Variants in PBX3 observed in about 807,000 individuals in gnomAD.
PBX3 encodes the protein pre-B-cell leukemia transcription factor 3.
PBX3 carries 14 observed loss-of-function variants against 48.5 expected under a neutral mutation model. The observed-to-expected ratio is 0.29, with a 90% CI of 0.19 to 0.45. PBX3 has a LOEUF of 0.45. Ranked by LOEUF, PBX3 falls within the 20% of genes least tolerant of loss-of-function variation. The pLI is 1.00. For missense variants in PBX3, 386 were observed against 546.7 expected (o/e 0.71, Z 2.93); for synonymous variants, 210 against 200.3 (o/e 1.05, Z -0.41).
chr9:125,781,402 C>T lies in PBX3; in HGVS notation c.274+32779C>T, dbSNP rs566249917. On this transcript the variant is annotated intron_variant, in intron 2 of 8. Transcript: ENST00000373489. ...AGGCGTGGTGGCGCGCGCCTGCAAT[C>T]GCAGGCACTCGGCCGGCTGAGGCAG... is the stretch of plus-strand genomic sequence containing the variant. Among the ~76,000 whole-genome samples, 578 of 151,662 alleles carry T rather than the reference C, an allele frequency of 3.8e-3. 2 individuals are homozygous for T. Among genetic ancestry groups the T allele is most frequent in the African/African-American group, 0.011 (455 of 41,342 alleles).
chr9:125,944,453 G>T (rs562903994), intron 5 of PBX3, among the ~76,000 whole-genome samples: 90 of 152,266 alleles, frequency 5.9e-4, no homozygotes, highest in South Asian at 4.6e-3. Context: ...AGTAAGATAG[G>T]GTTCTTCTCC....
intron 2 of PBX3, among the ~76,000 whole-genome samples, chr9:125,789,767 TA>T (rs1837549847): frequency 6.6e-6 from 1 of 152,172 alleles, no homozygotes; most frequent in Non-Finnish European, 1.5e-5. Flanking sequence ...TGAAAGGGTA[TA>T]CATCATCCAT....
chr9:125,747,976 C>T (rs1836246182), intron 1 of PBX3, among the ~76,000 whole-genome samples: 1 of 151,758 alleles, frequency 6.6e-6, no homozygotes, highest in Non-Finnish European at 1.5e-5. Context: ...GCGGGCCGCG[C>T]CGCCGGGAAG....
At chr9:125,832,213 TG>T (rs1838981398) in intron 2 of PBX3, among the ~76,000 whole-genome samples, 1 of 151,910 alleles carries the variant, frequency 6.6e-6, no homozygotes, top group Non-Finnish European at 1.5e-5. Context: ...TTTTTTTTTT[TG>T]AGACGGAGTC....
rs897346539 is a variant in PBX3, at chr9:125,871,279, C to T, written c.275-44407C>T. On this transcript the variant is annotated intron_variant, in intron 2 of 8. Coordinates refer to ENST00000373489, the MANE Select transcript of PBX3 (RefSeq NM_006195.6). The stretch of plus-strand genomic sequence containing the variant: ...AGGTGTGGTGGTGGGTGCTTGTAGT[C>T]CCAGCTATAGGCTGAGGCAGAAGAA... Among the ~76,000 whole-genome samples the T allele has an allele frequency of 5.9e-5, 9 of 151,926 alleles. No homozygotes were observed. The South Asian group carries it at 1.9e-3, about 32-fold the overall frequency.
At chr9:125,916,369 A>G (rs1295401877) in intron 3 of PBX3, among the ~76,000 whole-genome samples, 1 of 152,178 alleles carries the variant, frequency 6.6e-6, no homozygotes, top group Non-Finnish European at 1.5e-5. Flanking sequence ...ATTAATTCTT[A>G]TGGATTGTGC....
intron 2 of PBX3, among the ~76,000 whole-genome samples, chr9:125,905,961 T>C (rs1215634971): frequency 6.6e-6 from 1 of 152,002 alleles, no homozygotes; most frequent in Non-Finnish European, 1.5e-5. Context: ...GAGTGATGGA[T>C]ATACTACCAT....
intron 2 of PBX3, among the ~76,000 whole-genome samples, chr9:125,889,656 A>G (rs1840587176): frequency 6.6e-6 from 1 of 151,886 alleles, no homozygotes; most frequent in Non-Finnish European, 1.5e-5. Flanking sequence ...AGTAAACCCA[A>G]AGAGCCCGCA....
intron 2 of PBX3, among the ~76,000 whole-genome samples, chr9:125,752,732 A>T (rs1012233540): frequency 1.3e-5 from 2 of 152,108 alleles, no homozygotes; most frequent in Non-Finnish European, 2.9e-5. Flanking sequence ...GTAAAAATCA[A>T]TTTTTTCAAG....
intron 2 of PBX3, among the ~76,000 whole-genome samples, chr9:125,862,228 A>G (rs536320307): frequency 6.6e-6 from 1 of 152,236 alleles, no homozygotes; most frequent in East Asian, 1.9e-4. Context: ...GTTTCAGTCA[A>G]CAAACCATTT....
chr9:125,951,518 C>A (rs539750307), intron 5 of PBX3, among the ~76,000 whole-genome samples: 1 of 152,186 alleles, frequency 6.6e-6, no homozygotes, highest in Non-Finnish European at 1.5e-5. Context: ...AGGAAGCAAG[C>A]ATGGTGTGTA....
intron 2 of PBX3, among the ~76,000 whole-genome samples, chr9:125,910,910 T>C (rs1841189126): frequency 6.6e-6 from 1 of 152,080 alleles, no homozygotes; most frequent in Non-Finnish European, 1.5e-5. Context: ...GGTGCAAATA[T>C]TCCAGATCTT....
At chr9:125,871,281 C>A (rs1485757222) in intron 2 of PBX3, among the ~76,000 whole-genome samples, 1 of 151,046 alleles carries the variant, frequency 6.6e-6, no homozygotes, top group Non-Finnish European at 1.5e-5. Flanking sequence ...CTTGTAGTCC[C>A]AGCTATAGGC....
chr9:125,835,898 C>T (rs577296309), intron 2 of PBX3, among the ~76,000 whole-genome samples: 2 of 152,268 alleles, frequency 1.3e-5, no homozygotes, highest in African/African-American at 4.8e-5. Context: ...TCTGCACTCC[C>T]TTGTTTATTG....
intron 2 of PBX3, among the ~76,000 whole-genome samples, chr9:125,781,527 T>G (rs7849176): frequency 1.1e-5 from 1 of 94,272 alleles, no homozygotes; most frequent in Admixed American, 1.4e-4. Context: ...AGGGAGAGGG[T>G]GACCGAGAGG....
intron 3 of PBX3, among the ~76,000 whole-genome samples, chr9:125,919,347 C>T: frequency 6.8e-6 from 1 of 147,956 alleles, no homozygotes; most frequent in Non-Finnish European, 1.5e-5. Context: ...CGTCTGCCAT[C>T]ATGCCCGTCT....
intron 2 of PBX3, among the ~76,000 whole-genome samples, chr9:125,754,413 T>C (rs1416710904): frequency 6.6e-6 from 1 of 152,112 alleles, no homozygotes; most frequent in African/African-American, 2.4e-5. Context: ...TATATCACTA[T>C]GTAGTATAAA....
intron 2 of PBX3, among the ~76,000 whole-genome samples, chr9:125,769,209 T>C (rs1201065072): frequency 6.6e-6 from 1 of 152,242 alleles, no homozygotes. Context: ...ACATTGTTAG[T>C]ATAGTGTGGT....
At chr9:125,747,736 G>A (rs1836234601) in intron 1 of PBX3, 83 bp downstream of exon 1, 3 of 1,070,100 alleles carry the variant, frequency 2.8e-6, no homozygotes, top group Non-Finnish European at 3.8e-6. Context: ...GTGGCGCCCG[G>A]GGCTAGGGCC....
Sources: gnomAD v4.1 joint callset for allele counts (sites outside exome capture counted in the v4.1 genomes callset) on GRCh38, gnomAD v4.1.1 for gene constraint, MANE v1.5 for transcripts, NCBI Gene and HGNC (gene_info 2026-07-23, HGNC 2026-07-21) for gene names.